CCDC47: variants seen among roughly 807,000 people sequenced by gnomAD.
The protein encoded by CCDC47 is PAT complex subunit CCDC47.
A neutral mutation model predicts 60.5 loss-of-function variants in CCDC47; 41 were observed. The ratio of observed to expected loss-of-function variants is 0.68; its 90% CI spans 0.53 to 0.88. The LOEUF is 0.88. CCDC47 is among the 40% of genes least tolerant of loss of function. The pLI, the probability that CCDC47 is intolerant of heterozygous loss-of-function variation, is 0.00. For missense variants in CCDC47, 513 were observed against 580.9 expected, an observed-to-expected ratio of 0.88 and a Z score of 1.20; for synonymous variants, 195 against 190.7, an observed-to-expected ratio of 1.02 and a Z score of -0.18.
rs1185173339 is a variant in CCDC47, at chr17:63,756,305, G to C, written c.883C>G (p.Leu295Val). The change falls in exon 8 of 13, where the codon CTG becomes GTG. Residue 295 changes from leucine to valine, a missense_variant. By Grantham distance (32) the Leu-to-Val change is conservative. Transcript: ENST00000225726. ...GACAGGATGGCCAAAGAGTCCGGCA[G>C]TCCATACTTTGCTCCAGACTTAGGT... The part of the protein sequence containing the change: ...DKPKSGAKYG[L>V]PDSLAILSEM... 9 of 1,614,050 alleles carry C rather than the reference G, an allele frequency of 5.6e-6. No homozygotes were observed. The highest frequency in any genetic ancestry group is 7.6e-6 in the Non-Finnish European group (9 of 1,180,008).
chr17:63,768,230 G>C (rs2039310963), intron 1 of CCDC47, among the ~76,000 whole-genome samples: 1 of 152,178 alleles, frequency 6.6e-6, no homozygotes, highest in Admixed American at 6.5e-5. Context: ...TATCGCCACA[G>C]TAGGTACTAT....
intron 6 of CCDC47, among the ~76,000 whole-genome samples, chr17:63,759,509 AT>A (rs56876076): frequency 0.24 from 5,509 of 23,152 alleles, 1,913 homozygotes; most frequent in African/African-American, 0.51. Context: ...AAAAAAAAAA[AT>A]ATATATATAT....
intron 1 of CCDC47, among the ~76,000 whole-genome samples, chr17:63,769,245 C>CT (rs903155323): frequency 8.4e-5 from 11 of 130,196 alleles, no homozygotes; most frequent in African/African-American, 3.8e-4. Flanking sequence ...GCAAGGCTGT[C>CT]TAAAAGAAAA....
chr17:63,758,510 G>GAA (rs200867273), intron 6 of CCDC47, among the ~76,000 whole-genome samples: 36 of 144,278 alleles, frequency 2.5e-4, no homozygotes, highest in Middle Eastern at 3.7e-3. Context: ...TCGGTCTCTA[G>GAA]AAAAAAAAAA....
intron 8 of CCDC47, among the ~76,000 whole-genome samples, chr17:63,754,800 T>C (rs1043573900): frequency 6.6e-6 from 1 of 151,682 alleles, no homozygotes; most frequent in Non-Finnish European, 1.5e-5. Context: ...CGAGAAGCGT[T>C]TGAACCCGGG....
At chr17:63,755,129 C>T (rs1191539983) in intron 8 of CCDC47, among the ~76,000 whole-genome samples, 1 of 152,074 alleles carries the variant, frequency 6.6e-6, no homozygotes, top group Non-Finnish European at 1.5e-5. Flanking sequence ...CACAACCACA[C>T]CTGGCTAATT....
At chr17:63,759,847 C>CCT (rs2039242990) in intron 6 of CCDC47, among the ~76,000 whole-genome samples, 1 of 150,636 alleles carries the variant, frequency 6.6e-6, no homozygotes, top group African/African-American at 2.4e-5. Flanking sequence ...GGGCGGATCA[C>CCT]GAGGTCAGGA....
intron 1 of CCDC47, among the ~76,000 whole-genome samples, chr17:63,772,338 C>T (rs946612524): frequency 9.5e-5 from 14 of 147,566 alleles, no homozygotes; most frequent in Admixed American, 7.6e-4. Flanking sequence ...ACTGCAAGCT[C>T]CGCCTCCCGG....
chr17:63,750,300 A>C (rs1361959917), intron 12 of CCDC47, among the ~76,000 whole-genome samples: 1 of 152,254 alleles, frequency 6.6e-6, no homozygotes, highest in Non-Finnish European at 1.5e-5. Context: ...ATATTTATTT[A>C]TAAAGAAGAC....
At chr17:63,757,296 C>T (rs1319451380) in intron 6 of CCDC47, among the ~76,000 whole-genome samples, 1 of 151,392 alleles carries the variant, frequency 6.6e-6, no homozygotes, top group African/African-American at 2.4e-5. Context: ...CGATTGAGCC[C>T]CAGAAGCTGG....
At chr17:63,769,554 A>C (rs2039321015) in intron 1 of CCDC47, among the ~76,000 whole-genome samples, 2 of 148,938 alleles carry the variant, frequency 1.3e-5, no homozygotes, top group South Asian at 4.3e-4. Flanking sequence ...TGGAGGTTGC[A>C]GTGAGCCGAG....
In CCDC47 at chr17:63,760,932, C is replaced by T; in HGVS notation, c.717G>A (p.Arg239=). The T allele has an allele frequency of 6.2e-7, 1 of 1,612,950 alleles. No homozygotes were observed. Among genetic ancestry groups the T allele is most frequent in the East Asian group, 2.2e-5 (1 of 44,868 alleles). Residue 239 remains arginine, a synonymous_variant, in exon 6 of 13, where the codon AGG becomes AGA. Coordinates refer to ENST00000225726, the MANE Select transcript of CCDC47 (RefSeq NM_020198.3). ...DLLNVLARMM[R]PVSDQVQIKV... is the part of the protein sequence containing the mutation. ...TACATACCACTTGATCACTCACTGGCCTCATCATCCGGGCCAGGACATTCA... is the reference window on the plus strand; with the variant it reads ...TACATACCACTTGATCACTCACTGGTCTCATCATCCGGGCCAGGACATTCA...
At chr17:63,759,158 A>C (rs2039230069) in intron 6 of CCDC47, among the ~76,000 whole-genome samples, 1 of 152,054 alleles carries the variant, frequency 6.6e-6, no homozygotes, top group African/African-American at 2.4e-5. Flanking sequence ...AACTGAAATA[A>C]AAATACAGGT....
intron 6 of CCDC47, 99 bp from the exon 7 acceptor site, chr17:63,756,669 A>G (rs571195118): frequency 4.0e-6 from 3 of 757,180 alleles, no homozygotes; most frequent in African/African-American, 1.7e-5. Flanking sequence ...GCTGGTGCAT[A>G]TACTCTCCCT....
chr17:63,748,773 A>C (rs1384928951), intron 12 of CCDC47, among the ~76,000 whole-genome samples: 1 of 151,992 alleles, frequency 6.6e-6, no homozygotes, highest in Non-Finnish European at 1.5e-5. Flanking sequence ...ACACTTTGGG[A>C]GGCTGAGGTG....
At chr17:63,762,787 T>C (rs192276524) in intron 4 of CCDC47, among the ~76,000 whole-genome samples, 56 of 152,372 alleles carry the variant, frequency 3.7e-4, no homozygotes, top group Middle Eastern at 3.4e-3. Context: ...TCAAGCTACC[T>C]AAAATGTCAA....
intron 4 of CCDC47, 49 bp from the exon 5 acceptor site, chr17:63,761,400 G>A (rs1395258468): frequency 6.2e-7 from 1 of 1,609,672 alleles, no homozygotes; most frequent in Non-Finnish European, 8.5e-7. Context: ...GTCAAGGCCG[G>A]GCCGGGGGTG....
At chr17:63,749,265 G>A (rs1000503967) in intron 12 of CCDC47, among the ~76,000 whole-genome samples, 4 of 151,300 alleles carry the variant, frequency 2.6e-5, no homozygotes, top group South Asian at 2.1e-4. Context: ...AAAATTAGCC[G>A]GGCATGGAGG....
At chr17:63,747,139 C>T in intron 12 of CCDC47, 178 bp from the exon 13 acceptor site, 1 of 981,782 alleles carries the variant, frequency 1.0e-6, no homozygotes, top group Non-Finnish European at 1.2e-6. Context: ...TTGCCAATAT[C>T]TACATTAGTG....
Sources: gnomAD v4.1 joint callset for allele counts (sites outside exome capture counted in the v4.1 genomes callset) on GRCh38, gnomAD v4.1.1 for gene constraint, MANE v1.5 for transcripts, NCBI Gene and HGNC (gene_info 2026-07-23, HGNC 2026-07-21) for gene names.